GALK2: variants seen among roughly 807,000 people sequenced by gnomAD.
GALK2 encodes the protein galactokinase 2.
A neutral mutation model predicts 52.4 loss-of-function variants in GALK2; 36 were observed. That is an observed-to-expected ratio of 0.69 (90% CI 0.53 to 0.91). The LOEUF is 0.91. GALK2 is among the 40% of genes least tolerant of loss of function. The pLI, the probability that GALK2 is intolerant of heterozygous loss-of-function variation, is 0.00. For missense variants in GALK2, 579 were observed against 559.1 expected (o/e 1.04, Z -0.36); for synonymous variants, 176 against 199.1 (o/e 0.88, Z 0.98).
chr15:49,274,105 A>C (rs1049905267), intron 5 of GALK2, among the ~76,000 whole-genome samples: 5 of 152,204 alleles, frequency 3.3e-5, no homozygotes, highest in African/African-American at 1.2e-4. Context: ...TGGGAAGCAG[A>C]GAGCACCGGA....
chr15:49,186,283 C>T (rs1011575634), intron 1 of GALK2, among the ~76,000 whole-genome samples: 3 of 152,070 alleles, frequency 2.0e-5, no homozygotes, highest in African/African-American at 7.2e-5. Flanking sequence ...AACTTGTCGG[C>T]ATGCTATATT....
chr15:49,185,195 G>A (rs1458431990), intron 1 of GALK2, among the ~76,000 whole-genome samples: 2 of 152,056 alleles, frequency 1.3e-5, no homozygotes, highest in East Asian at 1.9e-4. Context: ...TGTGCTCAAT[G>A]TTTAGCTCTT....
At chr15:49,348,152 AT>A (rs2041796771) in intron 3 of GALK2, among the ~76,000 whole-genome samples, 2 of 151,882 alleles carry the variant, frequency 1.3e-5, no homozygotes, top group African/African-American at 4.8e-5. Flanking sequence ...CAAGTTGTTG[AT>A]TTACAGAAAT....
Position 49,213,792 on chromosome 15 carries a change from CT to C in GALK2, c.143-3393del, listed in dbSNP as rs369027504. On this transcript the variant is annotated intron_variant, in intron 2 of 9. Transcript: ENST00000560031. Reference sequence around the variant, plus strand: ...CTTGTCTTCCTTTGTGTAAAAGTGACTTTTTCTGACAATGTTTTAATTTATT... The same window carrying C: ...CTTGTCTTCCTTTGTGTAAAAGTGACTTTTCTGACAATGTTTTAATTTATT... Among the ~76,000 whole-genome samples, 470 of 152,084 alleles carry C rather than the reference CT, an allele frequency of 3.1e-3. 2 individuals carry two copies. The highest frequency in any genetic ancestry group is 0.031 in the Middle Eastern group (9 of 294).
At chr15:49,265,389 A>G (rs2092322128) in intron 5 of GALK2, among the ~76,000 whole-genome samples, 1 of 152,206 alleles carries the variant, frequency 6.6e-6, no homozygotes, top group South Asian at 2.1e-4. Flanking sequence ...TGCAGGATAT[A>G]ATCTCCTGGT....
chr15:49,360,664 C>T (rs1005485105), intron 3 of GALK2, among the ~76,000 whole-genome samples: 1 of 152,050 alleles, frequency 6.6e-6, no homozygotes, highest in Non-Finnish European at 1.5e-5. Flanking sequence ...GCTCTAAATC[C>T]TAGACATCAA....
chr15:49,339,093 G>C (rs1407822798), intron 3 of GALK2, among the ~76,000 whole-genome samples: 1 of 152,094 alleles, frequency 6.6e-6, no homozygotes, highest in African/African-American at 2.4e-5. Context: ...TTAGCTCGCA[G>C]GAGTTTGTTA....
intron 7 of GALK2, among the ~76,000 whole-genome samples, chr15:49,288,945 C>G (rs780216795): frequency 6.6e-6 from 1 of 152,034 alleles, no homozygotes; most frequent in Non-Finnish European, 1.5e-5. Context: ...GGTACAGGCT[C>G]TCTGTGATTG....
chr15:49,275,481 A>T (rs1037929907), intron 5 of GALK2, among the ~76,000 whole-genome samples: 1 of 152,208 alleles, frequency 6.6e-6, no homozygotes, highest in Non-Finnish European at 1.5e-5. Flanking sequence ...TGTTGAATGA[A>T]TGAATGGGTC....
At chr15:49,227,931 T>C (rs1226948374) in intron 3 of GALK2, among the ~76,000 whole-genome samples, 1 of 152,158 alleles carries the variant, frequency 6.6e-6, no homozygotes, top group East Asian at 1.9e-4. Flanking sequence ...TGTGCTCAGC[T>C]TTTGTTTTTC....
chr15:49,258,116 T>C (rs1163705511), intron 5 of GALK2, among the ~76,000 whole-genome samples: 1 of 152,140 alleles, frequency 6.6e-6, no homozygotes, highest in Non-Finnish European at 1.5e-5. Context: ...TTAGCTCATA[T>C]GTTGATTCAA....
intron 3 of GALK2, among the ~76,000 whole-genome samples, chr15:49,233,111 A>T (rs2090597377): frequency 6.6e-6 from 1 of 152,186 alleles, no homozygotes; most frequent in Non-Finnish European, 1.5e-5. Flanking sequence ...AGACTGAGTG[A>T]TTTATAAGGA....
At chr15:49,264,352 T>C (rs1275778337) in intron 5 of GALK2, among the ~76,000 whole-genome samples, 1 of 152,218 alleles carries the variant, frequency 6.6e-6, no homozygotes, top group East Asian at 1.9e-4. Flanking sequence ...TTTCTTCCAG[T>C]TGATCGCATC....
Position 49,328,730 on chromosome 15 carries a change from T to C in GALK2, c.*571T>C. ...ACAGATCTTCTTGGACATTGTATAA[T>C]TGAATTTGAATGTGAGATTTCTCCA... On this transcript the variant is annotated 3_prime_UTR_variant, in exon 10 of 10. Coordinates refer to ENST00000560031, the MANE Select transcript of GALK2 (RefSeq NM_002044.4). 2.0e-6 allele frequency: 3 copies of C among 1,517,308 alleles called. No homozygotes were observed. Among genetic ancestry groups the C allele is most frequent in the Non-Finnish European group, 1.8e-6 (2 of 1,127,658 alleles). The allele number at this position is 1,517,308 out of a possible 1,614,324, so 94.0% of individuals were successfully genotyped here.
upstream of GALK2, among the ~76,000 whole-genome samples, chr15:49,169,834 C>G (rs931322221): frequency 6.6e-6 from 1 of 152,132 alleles, no homozygotes; most frequent in African/African-American, 2.4e-5. Flanking sequence ...GAAGCAATAG[C>G]TAAACATTTT....
intron 3 of GALK2, among the ~76,000 whole-genome samples, chr15:49,360,006 G>T (rs1249242011): frequency 6.9e-6 from 1 of 144,976 alleles, no homozygotes. Flanking sequence ...ACCAAACACC[G>T]CATATTCTCA....
chr15:49,232,808 A>C (rs140912173), intron 3 of GALK2, among the ~76,000 whole-genome samples: 1,702 of 152,312 alleles, frequency 0.011, 38 homozygotes, highest in African/African-American at 0.039. Flanking sequence ...AATGACCTTT[A>C]CACTAGTTCC....
At chr15:49,237,579 C>T (rs915947963) in intron 4 of GALK2, among the ~76,000 whole-genome samples, 5 of 151,968 alleles carry the variant, frequency 3.3e-5, no homozygotes, top group Non-Finnish European at 2.9e-5. Context: ...GGGGTTCAAG[C>T]GATTCTCCTG....
intron 5 of GALK2, among the ~76,000 whole-genome samples, chr15:49,247,524 CAGA>C (rs2091408551): frequency 6.6e-6 from 1 of 152,148 alleles, no homozygotes; most frequent in Admixed American, 6.5e-5. Context: ...GGAATAGTAA[CAGA>C]AGATTTATTA....
Sources: allele counts gnomAD v4.1 joint callset (sites outside exome capture counted in the v4.1 genomes callset), GRCh38; gene constraint gnomAD v4.1.1; transcripts MANE v1.5; gene names NCBI Gene and HGNC (gene_info 2026-07-23, HGNC 2026-07-21).